The following CCAR1 variants were observed in gnomAD, a reference collection of about 807,000 sequenced individuals.
The protein encoded by CCAR1 is cell division cycle and apoptosis regulator 1.
Under a neutral mutation model 163.8 loss-of-function variants are expected in CCAR1, and 78 were observed. The observed-to-expected ratio is 0.48, with a 90% CI of 0.40 to 0.57. CCAR1 has a LOEUF of 0.57. CCAR1 is among the 20% of genes least tolerant of loss of function. CCAR1 has a pLI of 0.00. For missense variants in CCAR1, 1,019 were observed against 1,365.2 expected, an observed-to-expected ratio of 0.75 and a Z score of 4.00; for synonymous variants, 443 against 460.7, an observed-to-expected ratio of 0.96 and a Z score of 0.49.
chr10:68,759,858 G>A (rs1362986170), intron 15 of CCAR1, among the ~76,000 whole-genome samples: 4 of 151,938 alleles, frequency 2.6e-5, no homozygotes, highest in African/African-American at 9.7e-5. Flanking sequence ...TTCTTAGGTG[G>A]TATTATTATT....
intron 21 of CCAR1, among the ~76,000 whole-genome samples, chr10:68,787,449 A>G (rs1005246059): frequency 6.6e-6 from 1 of 152,168 alleles, no homozygotes; most frequent in Admixed American, 6.6e-5. Flanking sequence ...ATCCCTGTGC[A>G]TAAATTTTTA....
At chr10:68,724,324 G>T (rs1251058681) in intron 2 of CCAR1, among the ~76,000 whole-genome samples, 1 of 152,046 alleles carries the variant, frequency 6.6e-6, no homozygotes, top group African/African-American at 2.4e-5. Flanking sequence ...AAGTTAGCTT[G>T]GCGTGTTTGT....
intron 19 of CCAR1, among the ~76,000 whole-genome samples, chr10:68,779,472 T>C (rs1261480981): frequency 6.6e-6 from 1 of 151,850 alleles, no homozygotes; most frequent in Admixed American, 6.6e-5. Flanking sequence ...TTGGCCAGGC[T>C]GGTCTCGAAC....
Position 68,745,166 on chromosome 10 carries a change from C to T in CCAR1, c.519-1995C>T, listed in dbSNP as rs537695413. 1.5e-3 allele frequency among the ~76,000 whole-genome samples: 231 copies of T among 151,662 alleles called. 1 individual carries two copies. The Middle Eastern group carries it at 0.027, about 18-fold the overall frequency. On this transcript the variant is annotated intron_variant, in intron 6 of 24. Coordinates refer to ENST00000265872, the MANE Select transcript of CCAR1 (RefSeq NM_018237.4). Reference sequence around the variant, plus strand: ...GATTACAGGCGCCTGCCACCACACCCGGCTAATTTTTTTGTGTTTTTAGTA... The same window carrying T: ...GATTACAGGCGCCTGCCACCACACCTGGCTAATTTTTTTGTGTTTTTAGTA...
At chr10:68,778,196 A>G (rs2056691743) in intron 19 of CCAR1, among the ~76,000 whole-genome samples, 2 of 152,194 alleles carry the variant, frequency 1.3e-5, no homozygotes. Flanking sequence ...AGCCTGGGTG[A>G]CAAAGCAAGA....
At chr10:68,758,603 A>G (rs2056426458) in intron 15 of CCAR1, among the ~76,000 whole-genome samples, 1 of 140,856 alleles carries the variant, frequency 7.1e-6, no homozygotes, top group Non-Finnish European at 1.5e-5. Context: ...ACACACATAT[A>G]TATACGTGTG....
chr10:68,771,177 G>C, intron 17 of CCAR1, 29 bp from the exon 18 acceptor site: 1 of 1,543,046 alleles, frequency 6.5e-7, no homozygotes, highest in Non-Finnish European at 8.7e-7. Context: ...TTGAAATTTG[G>C]CTAGGTTCAT....
At chr10:68,787,419 C>T (rs901010901) in intron 21 of CCAR1, among the ~76,000 whole-genome samples, 8 of 152,030 alleles carry the variant, frequency 5.3e-5, no homozygotes, top group African/African-American at 1.4e-4. Flanking sequence ...TTGGATTTAC[C>T]AACTATGCTG....
chr10:68,765,678 G>C (rs1339898373), intron 16 of CCAR1, among the ~76,000 whole-genome samples: 1 of 152,110 alleles, frequency 6.6e-6, no homozygotes, highest in Non-Finnish European at 1.5e-5. Context: ...AAATCCAAAA[G>C]AGAGTTAGGA....
intron 6 of CCAR1, among the ~76,000 whole-genome samples, chr10:68,744,592 T>C (rs942892873): frequency 2.6e-5 from 4 of 152,226 alleles, no homozygotes; most frequent in Admixed American, 6.5e-5. Flanking sequence ...TTGTAGTGTT[T>C]GTAGGAAATA....
Position 68,722,476 on chromosome 10 carries a change from CAAGGG to C in CCAR1, c.-24_-20del. 3.1e-6 allele frequency: 5 copies of C among 1,587,760 alleles called. No homozygotes were observed. Among genetic ancestry groups the C allele is most frequent in the Non-Finnish European group, 3.5e-6 (4 of 1,156,064 alleles). On this transcript the variant is annotated 5_prime_UTR_variant, in exon 2 of 25. Coordinates refer to ENST00000265872, the MANE Select transcript of CCAR1 (RefSeq NM_018237.4). The stretch of plus-strand genomic sequence containing the variant: ...ATAGATCGATGCTATAGAAGACAAA[CAAGGG>C]AAGGTTTTTTTTCCTTTTGCATCAT...
chr10:68,723,814 C>T (rs1381140568), intron 2 of CCAR1, among the ~76,000 whole-genome samples: 2 of 145,264 alleles, frequency 1.4e-5, no homozygotes, highest in Admixed American at 7.2e-5. Context: ...CGCCACTGCA[C>T]TTCAGCCTGG....
rs757451753 is a variant in CCAR1, at chr10:68,748,096, C to T, written c.826+530C>T. Among the ~76,000 whole-genome samples, 15 of 152,284 alleles carry T rather than the reference C, an allele frequency of 9.9e-5. No homozygotes were observed. The South Asian group carries it at 1.4e-3, about 15-fold the overall frequency. On this transcript the variant is annotated intron_variant, in intron 8 of 24. Transcript: ENST00000265872. ...CTCGAACTCCTGACTTCAAGTTATC[C>T]GCCCACTTCGGCCTCCCAAAGTACT... is the stretch of plus-strand genomic sequence containing the variant.
intron 23 of CCAR1, among the ~76,000 whole-genome samples, chr10:68,788,672 A>G (rs150070610): frequency 0.016 from 2,362 of 151,908 alleles, 74 homozygotes; most frequent in African/African-American, 0.054. Flanking sequence ...TTTAGTAGAA[A>G]TGGGGTTTCA....
Position 68,766,200 on chromosome 10 carries a change from G to T in CCAR1, c.2298+121G>T, listed in dbSNP as rs865892721. 25 of 679,810 alleles carry T rather than the reference G, an allele frequency of 3.7e-5. No individual in the cohort carries two copies. In the Middle Eastern group the frequency reaches 1.2e-3, roughly 33 times the overall value. 42.1% of individuals were successfully genotyped at this position (679,810 alleles called of 1,614,324 possible). Reference sequence around the variant, plus strand: ...CGCTTTTCGTGGTTTTTTTTGTTTTGTTTTGTTTTTGTTTTTTTTTGAGAC... The same window carrying T: ...CGCTTTTCGTGGTTTTTTTTGTTTTTTTTTGTTTTTGTTTTTTTTTGAGAC... On this transcript the variant is annotated intron_variant, in intron 17 of 24. Coordinates refer to ENST00000265872, the MANE Select transcript of CCAR1 (RefSeq NM_018237.4).
In CCAR1 at chr10:68,771,338, A is replaced by G. The variant is rs147482092; in HGVS notation, c.2431A>G (p.Arg811Gly). The change falls in exon 18 of 25, where the codon AGA becomes GGA. Residue 811 changes from arginine to glycine, a missense_variant. Coordinates refer to ENST00000265872, the MANE Select transcript of CCAR1 (RefSeq NM_018237.4). ...EKDKKSKKDE[R>G]KDKKEERDDE... ...GGATAAAAAAAGCAAAAAAGATGAGAGAAAAGATAAAAAAGAAGAAAGAGA... is the reference window on the plus strand; with the variant it reads ...GGATAAAAAAAGCAAAAAAGATGAGGGAAAAGATAAAAAAGAAGAAAGAGA... The G allele has an allele frequency of 2.5e-6, 4 of 1,606,944 alleles. No homozygotes were observed. The African/African-American group carries it at 4.0e-5, about 16-fold the overall frequency.
At chr10:68,778,674 A>G (rs1012166933) in intron 19 of CCAR1, among the ~76,000 whole-genome samples, 2 of 152,212 alleles carry the variant, frequency 1.3e-5, no homozygotes, top group African/African-American at 4.8e-5. Context: ...TTGTTAATAT[A>G]TATTCCAAGT....
At chr10:68,759,319 G>A (rs2056439369) in intron 15 of CCAR1, 1 of 152,634 alleles carries the variant, frequency 6.6e-6, no homozygotes, top group Non-Finnish European at 1.5e-5. Context: ...GGAAGCTGAG[G>A]TGGGAGGATT....
intron 7 of CCAR1, 32 bp downstream of exon 7, chr10:68,747,307 A>C (rs1469176455): frequency 6.3e-7 from 1 of 1,587,696 alleles, no homozygotes; most frequent in Non-Finnish European, 8.6e-7. Flanking sequence ...GTATTATAGA[A>C]GCTTGGTAAA....
Sources: gnomAD v4.1 joint callset for allele counts (sites outside exome capture counted in the v4.1 genomes callset) on GRCh38, gnomAD v4.1.1 for gene constraint, MANE v1.5 for transcripts, NCBI Gene and HGNC (gene_info 2026-07-23, HGNC 2026-07-21) for gene names.